The following INPP4B variants were observed in gnomAD, a reference collection of about 807,000 sequenced individuals.
INPP4B encodes inositol polyphosphate 4-phosphatase type II.
In INPP4B, 55 loss-of-function variants were observed where a neutral mutation model predicts 122.5. That is an observed-to-expected ratio of 0.45 (90% CI 0.36 to 0.56). The LOEUF (loss-of-function observed/expected upper bound fraction) is 0.56. Ranked by LOEUF, INPP4B falls within the 20% of genes least tolerant of loss-of-function variation. The probability of loss-of-function intolerance (pLI) is 0.00; values close to 1 mark genes in which losing one functional copy is unlikely to be tolerated. For missense variants in INPP4B, 1,000 were observed against 1,097.7 expected (o/e 0.91, Z 1.26); for synonymous variants, 403 against 388.7 (o/e 1.04, Z -0.43).
chr4:142,443,894 G>C (rs1812356240), intron 3 of INPP4B, among the ~76,000 whole-genome samples: 1 of 152,118 alleles, frequency 6.6e-6, no homozygotes, highest in Non-Finnish European at 1.5e-5. Context: ...CAGAAGAGGA[G>C]AAGGATGAAA....
At chr4:142,563,310 C>T (rs1028886788) in intron 2 of INPP4B, among the ~76,000 whole-genome samples, 1 of 152,144 alleles carries the variant, frequency 6.6e-6, no homozygotes, top group South Asian at 2.1e-4. Context: ...TAAGATGTAA[C>T]TAAATCCAAG....
intron 2 of INPP4B, among the ~76,000 whole-genome samples, chr4:142,514,823 TCTCA>T (rs1256986317): frequency 2.2e-5 from 3 of 133,758 alleles, no homozygotes; most frequent in Non-Finnish European, 4.6e-5. Context: ...TGAGACGAAG[TCTCA>T]CTCTGTCACC....
At chr4:142,613,132 T>C (rs1038503944) in intron 2 of INPP4B, among the ~76,000 whole-genome samples, 12 of 152,146 alleles carry the variant, frequency 7.9e-5, no homozygotes, top group African/African-American at 2.9e-4. Context: ...AGACATTCAA[T>C]AAAGAGAGAG....
intron 3 of INPP4B, among the ~76,000 whole-genome samples, chr4:142,435,466 GAATT>G (rs1472275849): frequency 3.7e-5 from 3 of 80,706 alleles, no homozygotes; most frequent in Non-Finnish European, 7.4e-5. Context: ...AAAAGTACAG[GAATT>G]TATTTGGGGG....
intron 7 of INPP4B, among the ~76,000 whole-genome samples, chr4:142,331,208 T>C (rs535260872): frequency 2.0e-5 from 3 of 152,306 alleles, no homozygotes; most frequent in African/African-American, 4.8e-5. Context: ...CTACCATTCA[T>C]AGTGCAAGCA....
At chr4:142,822,992 G>A (rs567659278) in intron 1 of INPP4B, among the ~76,000 whole-genome samples, 1 of 152,208 alleles carries the variant, frequency 6.6e-6, no homozygotes, top group Admixed American at 6.5e-5. Context: ...TGAAGGAGTG[G>A]CCACCATCTC....
At chr4:142,409,556 T>C (rs1437818586) in intron 5 of INPP4B, among the ~76,000 whole-genome samples, 2 of 152,030 alleles carry the variant, frequency 1.3e-5, no homozygotes, top group Non-Finnish European at 2.9e-5. Flanking sequence ...ACTGAGACTC[T>C]ATCTCAAAAA....
intron 1 of INPP4B, among the ~76,000 whole-genome samples, chr4:142,807,243 C>CA (rs1464565981): frequency 9.2e-5 from 14 of 151,970 alleles, no homozygotes; most frequent in Non-Finnish European, 1.6e-4. Flanking sequence ...AGAAAGGTAA[C>CA]AAAAAGGCAC....
chr4:142,062,967 A>G (rs900305514), intron 25 of INPP4B, among the ~76,000 whole-genome samples: 1 of 152,186 alleles, frequency 6.6e-6, no homozygotes, highest in African/African-American at 2.4e-5. Flanking sequence ...AGGCACTTCA[A>G]TATAATTTTT....
At chr4:142,236,495 T>A (rs1367544825) in intron 12 of INPP4B, among the ~76,000 whole-genome samples, 1 of 152,212 alleles carries the variant, frequency 6.6e-6, no homozygotes, top group East Asian at 1.9e-4. Context: ...CCTGAACATG[T>A]CATAGCTTCT....
At chr4:142,270,820 T>TC in intron 9 of INPP4B, 46 bp from the exon 10 acceptor site, 1 of 1,276,854 alleles carries the variant, frequency 7.8e-7, no homozygotes, top group Non-Finnish European at 1.1e-6. Context: ...AGCTTCTCTC[T>TC]CCCCCAAAAA....
At chr4:142,725,371 A>T (rs1211002156) in intron 2 of INPP4B, among the ~76,000 whole-genome samples, 1 of 152,104 alleles carries the variant, frequency 6.6e-6, no homozygotes, top group African/African-American at 2.4e-5. Context: ...GCTTGATGAC[A>T]TTTTCTAGAA....
chr4:142,102,362 GT>G (rs1407094537), intron 23 of INPP4B, among the ~76,000 whole-genome samples: 2 of 151,614 alleles, frequency 1.3e-5, no homozygotes, highest in African/African-American at 2.4e-5. Context: ...ATATTTAAGG[GT>G]TATATGTTAA....
At chr4:142,272,486 T>C (rs1746337834) in intron 9 of INPP4B, among the ~76,000 whole-genome samples, 1 of 152,056 alleles carries the variant, frequency 6.6e-6, no homozygotes, top group Non-Finnish European at 1.5e-5. Context: ...TTGGTGATTT[T>C]GAAATCAGTG....
At chr4:142,169,834 C>A (rs543009607) in intron 16 of INPP4B, among the ~76,000 whole-genome samples, 101 of 151,668 alleles carry the variant, frequency 6.7e-4, no homozygotes, top group African/African-American at 2.3e-3. Flanking sequence ...AAGTACGATA[C>A]CACACATAAT....
In INPP4B at chr4:142,523,926, C is replaced by A. The variant is rs1394980613; in HGVS notation, c.-190-61200G>T. 2.1e-5 allele frequency among the ~76,000 whole-genome samples: 3 copies of A among 144,780 alleles called. No individual in the cohort carries two copies. In the East Asian group the frequency reaches 6.2e-4, roughly 30 times the overall value. The allele number at this position is 144,780 out of a possible 152,430, so 95.0% of individuals were successfully genotyped here. On this transcript the variant is annotated intron_variant, in intron 2 of 25. Coordinates refer to ENST00000262992, the MANE Select transcript of INPP4B (RefSeq NM_001101669.3). ...TGCGGTGTTTGGTTTTTTGTTCTTG[C>A]GATAGTTTACTGAGAATGATGATTT... is the stretch of plus-strand genomic sequence containing the variant.
intron 2 of INPP4B, among the ~76,000 whole-genome samples, chr4:142,554,128 G>T (rs1728577832): frequency 6.7e-6 from 1 of 149,412 alleles, no homozygotes; most frequent in Non-Finnish European, 1.5e-5. Flanking sequence ...GGAGGAGGTT[G>T]CAGTGAGCCG....
intron 11 of INPP4B, among the ~76,000 whole-genome samples, chr4:142,242,453 G>C (rs1227166848): frequency 1.3e-5 from 2 of 152,200 alleles, no homozygotes; most frequent in African/African-American, 2.4e-5. Flanking sequence ...TTCATCTGTA[G>C]AATTTGGATT....
intron 25 of INPP4B, 23 bp from the exon 26 acceptor site, chr4:142,028,937 A>G: frequency 1.2e-6 from 2 of 1,601,360 alleles, no homozygotes; most frequent in Non-Finnish European, 8.5e-7. Context: ...GAAAAAGTAC[A>G]ACTTCATGAA....
Sources: gnomAD v4.1 joint callset for allele counts (sites outside exome capture counted in the v4.1 genomes callset) on GRCh38, gnomAD v4.1.1 for gene constraint, MANE v1.5 for transcripts, NCBI Gene and HGNC (gene_info 2026-07-23, HGNC 2026-07-21) for gene names.